The following PLD5 variants were observed in gnomAD, a reference collection of about 807,000 sequenced individuals.
The protein encoded by PLD5 is inactive phospholipase D5.
In PLD5, 36 loss-of-function variants were observed where a neutral mutation model predicts 61.1. The observed-to-expected ratio is 0.59, with a 90% CI of 0.45 to 0.78. The LOEUF (loss-of-function observed/expected upper bound fraction) is 0.78, where lower values mean the gene tolerates loss of function less well. PLD5 is among the 30% of genes least tolerant of loss of function. The pLI is 0.00. For missense variants in PLD5, 515 were observed against 644.4 expected, an observed-to-expected ratio of 0.80 and a Z score of 2.17; for synonymous variants, 243 against 242.8, an observed-to-expected ratio of 1.00 and a Z score of -0.01.
intron 5 of PLD5, among the ~76,000 whole-genome samples, chr1:242,139,428 G>T (rs760064642): frequency 6.6e-6 from 1 of 151,834 alleles, no homozygotes; most frequent in Non-Finnish European, 1.5e-5. Context: ...CCATGGCAGC[G>T]TCTTCAACTT....
intron 1 of PLD5, among the ~76,000 whole-genome samples, chr1:242,412,024 T>G (rs1353150357): frequency 1.3e-5 from 2 of 152,188 alleles, no homozygotes; most frequent in East Asian, 3.9e-4. Flanking sequence ...ATCTACATTT[T>G]ACCCACAATC....
At chr1:242,333,913 G>C (rs918943354) in intron 2 of PLD5, among the ~76,000 whole-genome samples, 1 of 152,126 alleles carries the variant, frequency 6.6e-6, no homozygotes, top group Non-Finnish European at 1.5e-5. Context: ...TGAGAACTTA[G>C]GTTGATTGCA....
intron 1 of PLD5, among the ~76,000 whole-genome samples, chr1:242,351,523 ACT>A (rs1384290153): frequency 6.6e-6 from 1 of 151,692 alleles, no homozygotes; most frequent in African/African-American, 2.4e-5. Flanking sequence ...CCCTGCACAC[ACT>A]CTCTTGCCTG....
At chr1:242,132,437 A>G (rs576308623) in intron 5 of PLD5, among the ~76,000 whole-genome samples, 6 of 152,148 alleles carry the variant, frequency 3.9e-5, no homozygotes, top group Non-Finnish European at 8.8e-5. Context: ...TGTTGTTTCC[A>G]TGATTTTATA....
Position 242,242,070 on chromosome 1 carries a change from G to A in PLD5, c.608-21955C>T, listed in dbSNP as rs1168765542. On this transcript the variant is annotated intron_variant, in intron 4 of 9. Transcript: ENST00000536534. The stretch of plus-strand genomic sequence containing the variant: ...ATATGGTTGATGGAGAGAAGGATGT[G>A]GAGAATTGACAAAATGATCATTAAA... Among the ~76,000 whole-genome samples the A allele has an allele frequency of 1.4e-4, 20 of 145,856 alleles. No homozygotes were observed. In the East Asian group the frequency reaches 4.1e-3, roughly 30 times the overall value.
chr1:242,353,698 G>A (rs1660598864), intron 1 of PLD5, among the ~76,000 whole-genome samples: 1 of 151,878 alleles, frequency 6.6e-6, no homozygotes, highest in African/African-American at 2.4e-5. Flanking sequence ...AGTTCCTTAG[G>A]TATTTTGAAT....
chr1:242,252,204 A>G (rs1254858268), intron 4 of PLD5, among the ~76,000 whole-genome samples: 5 of 152,252 alleles, frequency 3.3e-5, no homozygotes, highest in African/African-American at 9.6e-5. Flanking sequence ...ATAATAGGCC[A>G]TGGCCAAGGT....
intron 5 of PLD5, among the ~76,000 whole-genome samples, chr1:242,212,709 T>TCAGCTCTC (rs1406272301): frequency 5.9e-5 from 9 of 152,248 alleles, no homozygotes; most frequent in African/African-American, 1.7e-4. Flanking sequence ...GCCTGCCTGC[T>TCAGCTCTC]CAGCTCTCCA....
At chr1:242,117,868 C>T (rs1186714252) in intron 6 of PLD5, among the ~76,000 whole-genome samples, 1 of 152,022 alleles carries the variant, frequency 6.6e-6, no homozygotes, top group Non-Finnish European at 1.5e-5. Flanking sequence ...TATTTAATTC[C>T]CTTAGCATGT....
intron 1 of PLD5, among the ~76,000 whole-genome samples, chr1:242,460,956 G>A (rs1667099150): frequency 1.3e-5 from 2 of 151,722 alleles, no homozygotes; most frequent in Non-Finnish European, 2.9e-5. Context: ...CCTGGGCAAG[G>A]TGGTGAAACC....
At chr1:242,307,251 G>C (rs978604472) in intron 2 of PLD5, among the ~76,000 whole-genome samples, 2 of 152,136 alleles carry the variant, frequency 1.3e-5, no homozygotes, top group African/African-American at 4.8e-5. Flanking sequence ...GTGAAATCAA[G>C]GGATGGTCAA....
intron 6 of PLD5, among the ~76,000 whole-genome samples, chr1:242,120,131 A>G (rs902814878): frequency 1.3e-5 from 2 of 152,212 alleles, no homozygotes; most frequent in African/African-American, 4.8e-5. Context: ...AGGCAGATTC[A>G]TAAAGAAAAA....
chr1:242,468,726 T>C (rs749157044), intron 1 of PLD5, among the ~76,000 whole-genome samples: 15 of 151,286 alleles, frequency 9.9e-5, no homozygotes, highest in Non-Finnish European at 1.6e-4. Flanking sequence ...TACACACACA[T>C]ATATATATAC....
chr1:242,449,425 C>G, intron 1 of PLD5: 1 of 1,535,988 alleles, frequency 6.5e-7, no homozygotes, highest in Admixed American at 2.0e-5. Flanking sequence ...TGCTGCTTCC[C>G]ACAGCCTCTG....
intron 5 of PLD5, among the ~76,000 whole-genome samples, chr1:242,142,714 T>TTCTCTCTCTCTCTCTC (rs35627694): frequency 2.2e-5 from 2 of 90,046 alleles, no homozygotes; most frequent in African/African-American, 1.1e-4. Flanking sequence ...AGCTGTGTCT[T>TTCTCTCTCTCTCTCTC]TCTCTCTCTC....
chr1:242,137,589 T>C (rs1663839318), intron 5 of PLD5, among the ~76,000 whole-genome samples: 1 of 152,096 alleles, frequency 6.6e-6, no homozygotes, highest in South Asian at 2.1e-4. Flanking sequence ...GGGAAATGTG[T>C]TGAAGATTTT....
intron 2 of PLD5, among the ~76,000 whole-genome samples, chr1:242,301,765 C>CATTATTATT (rs543604489): frequency 0.085 from 12,017 of 140,842 alleles, 627 homozygotes; most frequent in Middle Eastern, 0.15. Context: ...TTTTTTAAAA[C>CATTATTATT]ATTATTATTA....
At chr1:242,099,168 C>T (rs1660487210) in intron 9 of PLD5, among the ~76,000 whole-genome samples, 1 of 152,146 alleles carries the variant, frequency 6.6e-6, no homozygotes, top group South Asian at 2.1e-4. Flanking sequence ...GTCACCCTGG[C>T]TGGAGTGCAG....
At chr1:242,240,698 A>C (rs1343734673) in intron 4 of PLD5, among the ~76,000 whole-genome samples, 1 of 152,128 alleles carries the variant, frequency 6.6e-6, no homozygotes, top group Non-Finnish European at 1.5e-5. Context: ...AACAAAAAAT[A>C]TTTTCAAGGT....
Sources: allele counts gnomAD v4.1 joint callset (sites outside exome capture counted in the v4.1 genomes callset), GRCh38; gene constraint gnomAD v4.1.1; transcripts MANE v1.5; gene names NCBI Gene and HGNC (gene_info 2026-07-23, HGNC 2026-07-21).